PIK3C2G: variants seen among roughly 807,000 people sequenced by gnomAD.
PIK3C2G encodes phosphatidylinositol 3-kinase C2 domain-containing subunit gamma.
Under a neutral mutation model 181.1 loss-of-function variants are expected in PIK3C2G, and 168 were observed. The observed-to-expected ratio is 0.93, with a 90% CI of 0.82 to 1.05. PIK3C2G has a LOEUF of 1.05. Among genes scored for constraint, PIK3C2G ranks in the 50% least tolerant of loss-of-function variants. PIK3C2G has a pLI of 0.00. For missense variants in PIK3C2G, 1,869 were observed against 1,732.8 expected, an observed-to-expected ratio of 1.08 and a Z score of -1.40; for synonymous variants, 573 against 592.2, an observed-to-expected ratio of 0.97 and a Z score of 0.47.
intron 18 of PIK3C2G, among the ~76,000 whole-genome samples, chr12:18,464,113 G>A (rs577162144): frequency 1.3e-5 from 2 of 152,168 alleles, no homozygotes; most frequent in East Asian, 1.9e-4. Flanking sequence ...TTTAGTGAAT[G>A]AAAGAAATTT....
At chr12:18,292,147 T>C (rs1425710651) in intron 4 of PIK3C2G, among the ~76,000 whole-genome samples, 8 of 138,690 alleles carry the variant, frequency 5.8e-5, no homozygotes, top group Admixed American at 2.3e-4. Flanking sequence ...GAGGTGGAGG[T>C]TGCAGTGAGC....
the PIK3C2G span, among the ~76,000 whole-genome samples, chr12:18,654,364 G>A: frequency 1.6e-3 from 241 of 151,004 alleles, no homozygotes; most frequent in Middle Eastern, 3.4e-3. Flanking sequence ...ATGATTTCCT[G>A]GAAAGACTAA....
chr12:18,521,948 A>G (rs1942946800), intron 24 of PIK3C2G, among the ~76,000 whole-genome samples: 1 of 152,198 alleles, frequency 6.6e-6, no homozygotes, highest in Non-Finnish European at 1.5e-5. Flanking sequence ...TTTCCTATGC[A>G]GGGTAGCACG....
chr12:18,329,791 A>G lies in PIK3C2G; in HGVS notation c.1272+4693A>G, dbSNP rs545785464. Among the ~76,000 whole-genome samples the G allele has an allele frequency of 1.8e-4, 27 of 152,154 alleles. 1 individual carries two copies. Among genetic ancestry groups the G allele is most frequent in the African/African-American group, 6.3e-4 (26 of 41,554 alleles). ...ATGTTTTACCTTTTACCCATTCACA[A>G]TATATGAGAGTTCCTATTGCTGCAT... On this transcript the variant is annotated intron_variant, in intron 8 of 32. Transcript: ENST00000538779.
chr12:18,338,663 C>CTCTGTG (rs1484345888), intron 9 of PIK3C2G, 115 bp downstream of exon 9: 19 of 413,932 alleles, frequency 4.6e-5, no homozygotes, highest in Non-Finnish European at 7.9e-5. Context: ...TTGTGTGTAT[C>CTCTGTG]TGTGTGTGTG....
intron 1 of PIK3C2G, among the ~76,000 whole-genome samples, chr12:18,255,578 C>T (rs756691903): frequency 1.1e-4 from 16 of 152,092 alleles, no homozygotes; most frequent in Non-Finnish European, 2.1e-4. Flanking sequence ...GTGTTGAGGG[C>T]GAGGGAGCAG....
chr12:18,262,691 T>C (rs1370247776), intron 1 of PIK3C2G, among the ~76,000 whole-genome samples: 2 of 151,714 alleles, frequency 1.3e-5, no homozygotes, highest in South Asian at 2.1e-4. Context: ...ATTCATTAAA[T>C]AAGCAAGATC....
chr12:18,418,138 G>C (rs895643423), intron 16 of PIK3C2G, among the ~76,000 whole-genome samples: 2 of 152,142 alleles, frequency 1.3e-5, no homozygotes, highest in Non-Finnish European at 2.9e-5. Flanking sequence ...AGTTGAATTA[G>C]TCAGTAGTTG....
At chr12:18,290,413 G>C (rs1682612925) in intron 3 of PIK3C2G, among the ~76,000 whole-genome samples, 2 of 152,230 alleles carry the variant, frequency 1.3e-5, no homozygotes, top group Admixed American at 1.3e-4. Flanking sequence ...TTACAAACTT[G>C]ACAAGAACAA....
chr12:18,536,162 G>A (rs1943842347), intron 24 of PIK3C2G, among the ~76,000 whole-genome samples: 1 of 152,068 alleles, frequency 6.6e-6, no homozygotes, highest in African/African-American at 2.4e-5. Flanking sequence ...TGCAGCAAGA[G>A]AGGTTACATG....
chr12:18,689,631 A>C, the PIK3C2G span, among the ~76,000 whole-genome samples: 1 of 152,158 alleles, frequency 6.6e-6, no homozygotes, highest in African/African-American at 2.4e-5. Flanking sequence ...ATGCAGAGGA[A>C]GGGATATCAA....
At chr12:18,265,184 C>A (rs1398003992) in intron 1 of PIK3C2G, among the ~76,000 whole-genome samples, 1 of 152,190 alleles carries the variant, frequency 6.6e-6, no homozygotes, top group African/African-American at 2.4e-5. Context: ...ATCTGTACTT[C>A]TGCCACTTGG....
At chr12:18,288,351 C>T (rs998060650) in intron 3 of PIK3C2G, among the ~76,000 whole-genome samples, 9 of 152,032 alleles carry the variant, frequency 5.9e-5, no homozygotes, top group African/African-American at 1.9e-4. Context: ...GTTTCATTGT[C>T]TAATAACTAG....
At chr12:18,246,622 C>T (rs1948042828), upstream of PIK3C2G, among the ~76,000 whole-genome samples, 1 of 152,072 alleles carries the variant, frequency 6.6e-6, no homozygotes, top group African/African-American at 2.4e-5. Flanking sequence ...TATTTTCATT[C>T]ACCCAATCTG....
At chr12:18,673,340 A>G in the PIK3C2G span, among the ~76,000 whole-genome samples, 2 of 152,194 alleles carry the variant, frequency 1.3e-5, no homozygotes, top group Admixed American at 6.6e-5. Context: ...AATGTGATAT[A>G]TATGTCCCCA....
intron 1 of PIK3C2G, among the ~76,000 whole-genome samples, chr12:18,281,286 A>G (rs1189694137): frequency 7.1e-6 from 1 of 140,144 alleles, no homozygotes. Flanking sequence ...AAAAAAAAAA[A>G]AGCCAGTGTT....
the PIK3C2G span, among the ~76,000 whole-genome samples, chr12:18,688,520 C>T: frequency 2.6e-5 from 4 of 151,036 alleles, no homozygotes; most frequent in African/African-American, 9.7e-5. Flanking sequence ...GAATTCAGGT[C>T]GAGTTACTCT....
Position 18,290,812 on chromosome 12 carries a change from G to T in PIK3C2G, c.762-43G>T, listed in dbSNP as rs142547989. 3 of 1,250,184 alleles carry T rather than the reference G, an allele frequency of 2.4e-6. No homozygotes were observed. The South Asian group carries it at 3.8e-5, about 16-fold the overall frequency. 77.4% of individuals were successfully genotyped at this position (1,250,184 alleles called of 1,614,324 possible). A position where few individuals can be genotyped will look rare whatever the true frequency, so the allele number is the denominator to read the frequency against. On this transcript the variant is annotated intron_variant, in intron 3 of 32. Transcript: ENST00000538779. ...GGCAATATGTTTTAAACTGTGTCTT[G>T]CAGGTCTTGTCCTAAGTATTTTTCT... is the stretch of plus-strand genomic sequence containing the variant.
At chr12:18,270,640 G>A (rs906895725) in intron 1 of PIK3C2G, among the ~76,000 whole-genome samples, 17 of 151,954 alleles carry the variant, frequency 1.1e-4, no homozygotes, top group African/African-American at 4.1e-4. Flanking sequence ...TCTAATTCTA[G>A]ACAACTTAAA....
Sources: gnomAD v4.1 joint callset for allele counts (sites outside exome capture counted in the v4.1 genomes callset) on GRCh38, gnomAD v4.1.1 for gene constraint, MANE v1.5 for transcripts, NCBI Gene and HGNC (gene_info 2026-07-23, HGNC 2026-07-21) for gene names.